Variants in TECPR2 observed in about 807,000 individuals in gnomAD.
The protein encoded by TECPR2 is tectonin beta-propeller repeat-containing protein 2.
In TECPR2, 65 loss-of-function variants were observed where a neutral mutation model predicts 138.1. The ratio of observed to expected loss-of-function variants is 0.47; its 90% confidence interval spans 0.39 to 0.58. The LOEUF (loss-of-function observed/expected upper bound fraction) is 0.58. TECPR2 is among the 20% of genes least tolerant of loss of function. The probability of loss-of-function intolerance (pLI) is 0.00; values close to 1 mark genes in which losing one functional copy is unlikely to be tolerated. For synonymous variants in TECPR2, 746 were observed against 749.8 expected (o/e 0.99, Z 0.08); for missense variants, 1,553 against 1,824.5 (o/e 0.85, Z 2.71).
chr14:102,380,781 C>T (rs1347875326), intron 2 of TECPR2, among the ~76,000 whole-genome samples: 2 of 152,194 alleles, frequency 1.3e-5, no homozygotes, highest in Admixed American at 6.5e-5. Context: ...CGGGTTCAAG[C>T]GATTCTCATG....
At chr14:102,480,994 G>A (rs1308665767) in intron 17 of TECPR2, among the ~76,000 whole-genome samples, 2 of 149,910 alleles carry the variant, frequency 1.3e-5, no homozygotes, top group African/African-American at 2.5e-5. Flanking sequence ...ACAGGCACCC[G>A]CCACCACGCC....
At chr14:102,480,211 G>GTTTT (rs781152101) in intron 17 of TECPR2, among the ~76,000 whole-genome samples, 2 of 71,364 alleles carry the variant, frequency 2.8e-5, no homozygotes, top group Non-Finnish European at 2.6e-5. Context: ...ATCTTGGTTG[G>GTTTT]TTTTTTTTTT....
chr14:102,382,774 T>C (rs564449034), intron 2 of TECPR2, among the ~76,000 whole-genome samples: 155 of 152,238 alleles, frequency 1.0e-3, no homozygotes, highest in Non-Finnish European at 1.6e-3. Flanking sequence ...TTTTTTTTTT[T>C]CGAGACGGAG....
chr14:102,424,918 G>A, intron 5 of TECPR2, 61 bp from the exon 6 acceptor site: 1 of 1,478,546 alleles, frequency 6.8e-7, no homozygotes, highest in Non-Finnish European at 9.2e-7. Context: ...GTTGACAACT[G>A]CATTACTTTA....
rs7149477 is a variant in TECPR2 at position 102,397,323 on chromosome 14, G to A, written c.220-10015G>A. ...TTCAGTTTTCAACAAAACAAATCAC[G>A]AGGCACACAAAGAAACAGGAAAGTA... On this transcript the variant is annotated intron_variant, in intron 2 of 19. Coordinates refer to ENST00000359520, the MANE Select transcript of TECPR2 (RefSeq NM_014844.5). Among the ~76,000 whole-genome samples, 1,332 of 151,804 alleles carry A rather than the reference G, an allele frequency of 8.8e-3. 23 individuals carry two copies. The highest frequency in any genetic ancestry group is 0.03 in the African/African-American group (1,255 of 41,380).
In TECPR2 at chr14:102,499,030, T is replaced by TCACCA. The variant is rs10531276; in HGVS notation, c.*793_*797dup. ...GCACCGCACCGTACCTCGCCACATC[T>TCACCA]CACCACACCACACCACACCACACCT... On this transcript the variant is annotated 3_prime_UTR_variant, in exon 20 of 20. Coordinates refer to ENST00000359520, the MANE Select transcript of TECPR2 (RefSeq NM_014844.5). The TCACCA allele has an allele frequency of 1.2e-4, 87 of 699,164 alleles. 1 individual carries two copies. Among genetic ancestry groups the TCACCA allele is most frequent in the Admixed American group, 5.8e-4 (29 of 49,806 alleles). 43.3% of individuals were successfully genotyped at this position (699,164 alleles called of 1,614,324 possible). A position where few individuals can be genotyped will look rare whatever the true frequency, so the allele number is the denominator to read the frequency against.
At position 102,497,615 on chromosome 14, in the gene TECPR2, C is replaced by T; in HGVS notation, c.3977C>T (p.Ala1326Val). ...QLALSTRTVW[A>V]RCPNGDLARR... ...GCGCTGAGCACCAGGACCGTGTGGG[C>T]CCGCTGTCCAAACGGAGACCTCGCC... is the stretch of plus-strand genomic sequence containing the variant. Residue 1326 changes from alanine (A) to valine (V), a missense_variant, in exon 19 of 20, where the codon GCC becomes GTC. Ala to Val is a moderately conservative substitution (Grantham distance 64). Transcript: ENST00000359520. The T allele has an allele frequency of 6.2e-7, 1 of 1,608,912 alleles. No individual in the cohort carries two copies. Among genetic ancestry groups the T allele is most frequent in the Non-Finnish European group, 8.5e-7 (1 of 1,178,310 alleles).
chr14:102,437,251 A>G (rs754873348), intron 9 of TECPR2: 13 of 965,142 alleles, frequency 1.3e-5, no homozygotes, highest in Non-Finnish European at 1.6e-5. Context: ...TGATTTTTAA[A>G]AGAATTCTAG....
chr14:102,399,908 C>CAA (rs1459072596), intron 2 of TECPR2, among the ~76,000 whole-genome samples: 1 of 151,578 alleles, frequency 6.6e-6, no homozygotes, highest in East Asian at 1.9e-4. Flanking sequence ...ATTTTAAAAG[C>CAA]TAATATTACT....
At position 102,428,222 on chromosome 14, in the gene TECPR2, GTTTTTTTTTTTT is replaced by G. The variant is rs565236204; in HGVS notation, c.952-17_952-6del. ...ACCGTTGTTTAGTTTTGTGTTTTTT[GTTTTTTTTTTTT>G]TTTTTTTTTTGACAGGCCACAGTTG... On this transcript the variant is annotated splice_polypyrimidine_tract_variant and intron_variant, in intron 6 of 19. Transcript: ENST00000359520. 21 of 1,058,624 alleles carry G rather than the reference GTTTTTTTTTTTT, an allele frequency of 2.0e-5. No individual in the cohort carries two copies. In the African/African-American group the frequency reaches 5.2e-4, roughly 26 times the overall value. The allele number at this position is 1,058,624 out of a possible 1,614,324, so 65.6% of individuals were successfully genotyped here.
chr14:102,448,841 T>C (rs139789510), intron 13 of TECPR2, among the ~76,000 whole-genome samples: 2 of 152,104 alleles, frequency 1.3e-5, no homozygotes, highest in African/African-American at 4.8e-5. Context: ...CACTCCAGCC[T>C]GGGTGGCAGG....
intron 17 of TECPR2, among the ~76,000 whole-genome samples, chr14:102,493,773 C>G (rs1006094952): frequency 2.0e-5 from 3 of 152,202 alleles, no homozygotes; most frequent in African/African-American, 7.2e-5. Context: ...CTGCGGTGAC[C>G]CTGCAGCACA....
At chr14:102,378,782 A>G (rs1353030767) in intron 2 of TECPR2, among the ~76,000 whole-genome samples, 1 of 151,944 alleles carries the variant, frequency 6.6e-6, no homozygotes, top group Non-Finnish European at 1.5e-5. Flanking sequence ...CCGCTATCAC[A>G]CCCAGCTAAT....
rs577264324 is a variant in TECPR2, at chr14:102,490,876, A to C, written c.3790-6103A>C. Among the ~76,000 whole-genome samples, 8 of 152,112 alleles carry C rather than the reference A, an allele frequency of 5.3e-5. 1 individual carries two copies. The South Asian group carries it at 1.5e-3, about 28-fold the overall frequency. On this transcript the variant is annotated intron_variant, in intron 17 of 19. Transcript: ENST00000359520. ...CCTCAGACGACATGTGCTAGTTCAT[A>C]TCTCTCCTCTTTTTTTGTTTTTTTG...
At chr14:102,400,525 C>G (rs943245143) in intron 2 of TECPR2, among the ~76,000 whole-genome samples, 9 of 152,066 alleles carry the variant, frequency 5.9e-5, no homozygotes, top group Non-Finnish European at 1.2e-4. Flanking sequence ...TTCTGTGTTA[C>G]TGAAATTAAG....
chr14:102,449,354 T>C (rs1473371301), intron 13 of TECPR2, among the ~76,000 whole-genome samples: 1 of 152,258 alleles, frequency 6.6e-6, no homozygotes, highest in East Asian at 1.9e-4. Context: ...AACAGATCCA[T>C]GTTGTATAAA....
chr14:102,367,527 G>A (rs1449527050), intron 1 of TECPR2, among the ~76,000 whole-genome samples: 3 of 152,116 alleles, frequency 2.0e-5, no homozygotes, highest in Admixed American at 1.3e-4. Flanking sequence ...GTGCCTGGTT[G>A]CTTTCACTTA....
Position 102,496,999 on chromosome 14 carries a change from C to T in TECPR2, c.3810C>T (p.Val1270=), listed in dbSNP as rs758917510. Residue 1270 remains valine (V), a synonymous_variant, in exon 18 of 20, where the codon GTC becomes GTT. Coordinates refer to ENST00000359520, the MANE Select transcript of TECPR2 (RefSeq NM_014844.5). ...TCCAGCCCGCCGGGGTCAGCTTGGT[C>T]AGCGTCCATTCCAGCCCCAACGACC... is the stretch of plus-strand genomic sequence containing the variant. ...PPVQPAGVSL[V]SVHSSPNDQM... The T allele has an allele frequency of 7.9e-5, 128 of 1,613,862 alleles. No homozygotes were observed. The highest frequency in any genetic ancestry group is 1.1e-4 in the Non-Finnish European group (124 of 1,179,974).
At chr14:102,401,821 A>AAAAG (rs1432005082) in intron 2 of TECPR2, among the ~76,000 whole-genome samples, 4 of 151,364 alleles carry the variant, frequency 2.6e-5, no homozygotes, top group Non-Finnish European at 5.9e-5. Flanking sequence ...AAAAAAAAAA[A>AAAAG]AAAAAAGAGA....
Sources: gnomAD v4.1 joint callset for allele counts (sites outside exome capture counted in the v4.1 genomes callset) on GRCh38, gnomAD v4.1.1 for gene constraint, MANE v1.5 for transcripts, NCBI Gene and HGNC (gene_info 2026-07-23, HGNC 2026-07-21) for gene names.